Variants in CEACAM8 observed in about 807,000 individuals in gnomAD.
CEACAM8 encodes cell adhesion molecule CEACAM8.
In CEACAM8, 31 loss-of-function variants were observed where a neutral mutation model predicts 33.4. The observed-to-expected ratio is 0.93, with a 90% CI of 0.70 to 1.25. The LOEUF is 1.25. CEACAM8 is among the 50% of genes most tolerant of loss of function. The pLI, the probability that CEACAM8 is intolerant of heterozygous loss-of-function variation, is 0.00. For missense variants in CEACAM8, 388 were observed against 434.6 expected (o/e 0.89, Z 0.95); for synonymous variants, 138 against 164.5 (o/e 0.84, Z 1.23).
intron 1 of CEACAM8, among the ~76,000 whole-genome samples, chr19:42,594,322 C>G (rs1260154046): frequency 6.6e-6 from 1 of 152,054 alleles, no homozygotes; most frequent in Non-Finnish European, 1.5e-5. Context: ...AGGGCAGGGA[C>G]TTGTGTGGTG....
At chr19:42,590,509 T>C (rs1052893479) in intron 2 of CEACAM8, among the ~76,000 whole-genome samples, 3 of 152,096 alleles carry the variant, frequency 2.0e-5, no homozygotes, top group Non-Finnish European at 4.4e-5. Context: ...CATAAATACA[T>C]GTGGACATTT....
intron 3 of CEACAM8, 106 bp downstream of exon 3, chr19:42,589,351 G>T: frequency 6.5e-7 from 1 of 1,541,542 alleles, no homozygotes; most frequent in Non-Finnish European, 8.9e-7. Flanking sequence ...CTAGGGGTGG[G>T]TGGGGAATCT....
rs1415597130 is a variant in CEACAM8, at chr19:42,581,325, A to G, written c.*69T>C. 1 of 152,190 alleles carries G rather than the reference A, an allele frequency of 6.6e-6. No homozygotes were observed. Among genetic ancestry groups the G allele is most frequent in the African/African-American group, 2.4e-5 (1 of 41,448 alleles). The allele number at this position is 152,190 out of a possible 1,614,324, so 9.4% of individuals were successfully genotyped here. On this transcript the variant is annotated 3_prime_UTR_variant, in exon 6 of 6. Coordinates refer to ENST00000244336, the MANE Select transcript of CEACAM8 (RefSeq NM_001816.4). ...AATTTTGAATGGTAGCTGATTGCAA[A>G]TGCTTTGAGGAAGAATAAAAACAAC...
At chr19:42,587,991 C>G (rs555156780) in intron 4 of CEACAM8, among the ~76,000 whole-genome samples, 7 of 152,350 alleles carry the variant, frequency 4.6e-5, no homozygotes, top group Non-Finnish European at 1.0e-4. Flanking sequence ...GGCACTACCC[C>G]TTCCCTCTCA....
At chr19:42,587,076 C>A (rs990909469) in intron 4 of CEACAM8, among the ~76,000 whole-genome samples, 11 of 151,802 alleles carry the variant, frequency 7.2e-5, no homozygotes, top group Non-Finnish European at 1.6e-4. Flanking sequence ...TAAAAAAAAA[C>A]CACACACACA....
rs11669987 is a variant in CEACAM8 at position 42,594,706 on chromosome 19, A to T, written c.64+59T>A. 3,321 of 1,402,464 alleles carry T rather than the reference A, an allele frequency of 2.4e-3. 16 individuals carry two copies. The highest frequency in any genetic ancestry group is 0.018 in the Middle Eastern group (98 of 5,524). The allele number at this position is 1,402,464 out of a possible 1,614,324, so 86.9% of individuals were successfully genotyped here. A position where few individuals can be genotyped will look rare whatever the true frequency, so the allele number is the denominator to read the frequency against. On this transcript the variant is annotated intron_variant, in intron 1 of 5. Transcript: ENST00000244336. ...CTCAGAGCCCCGTCCTCCCCAGGAG[A>T]CCCCAGCCAGTCACTGTGTTTCCTC... is the stretch of plus-strand genomic sequence containing the variant.
chr19:42,589,094 TG>T, intron 3 of CEACAM8, 56 bp from the exon 4 acceptor site: 2 of 1,562,826 alleles, frequency 1.3e-6, no homozygotes, highest in Non-Finnish European at 1.7e-6. Flanking sequence ...GGGAAGCTCC[TG>T]GTCTGTGGAA....
intron 2 of CEACAM8, among the ~76,000 whole-genome samples, chr19:42,590,150 T>C (rs45572532): frequency 2.8e-3 from 434 of 152,298 alleles, no homozygotes; most frequent in Non-Finnish European, 5.3e-3. Context: ...GAGGGTTCTG[T>C]TTCCAAGAAC....
rs1450335291 is a variant in CEACAM8, at chr19:42,588,966, C to G, written c.776G>C (p.Cys259Ser). The G allele has an allele frequency of 6.2e-7, 1 of 1,614,008 alleles. No homozygotes were observed. The highest frequency in any genetic ancestry group is 1.3e-5 in the African/African-American group (1 of 74,892). ...YHAGVNLNLSCHAASNPPSQY... is the reference protein window; with the variant it reads ...YHAGVNLNLSSHAASNPPSQY... ...TGAGGGTGGATTAGAGGCCGCATGG[C>G]AGGAGAGGTTGAGATTTACCCCTGC... The change falls in exon 4 of 6, where the codon TGC (cysteine) becomes TCC (serine). Residue 259 changes from cysteine (C) to serine (S), a missense_variant. By Grantham distance (112) the Cys-to-Ser change is moderately radical. Coordinates refer to ENST00000244336, the MANE Select transcript of CEACAM8 (RefSeq NM_001816.4).
intron 4 of CEACAM8, among the ~76,000 whole-genome samples, chr19:42,586,350 C>T (rs2042337033): frequency 6.6e-6 from 1 of 152,030 alleles, no homozygotes; most frequent in African/African-American, 2.4e-5. Context: ...ACTACAAAGC[C>T]ACAGTAATCA....
At position 42,593,875 on chromosome 19, in the gene CEACAM8, C is replaced by G. The variant is rs369527473; in HGVS notation, c.90G>C (p.Pro30=). 7 of 1,595,838 alleles carry G rather than the reference C, an allele frequency of 4.4e-6. No homozygotes were observed. Among genetic ancestry groups the G allele is most frequent in the African/African-American group, 1.3e-5 (1 of 74,388 alleles). ...CAATAGTGAGCTGAGCAGTGGTGGG[C>G]GGGTTCCAGAAGGTGAAAAGTGAGG... The part of the protein sequence containing the change: ...LTASLFTFWN[P]PTTAQLTIEA... The change falls in exon 2 of 6, where the codon CCG becomes CCC. Residue 30 remains proline (P), a synonymous_variant. Coordinates refer to ENST00000244336, the MANE Select transcript of CEACAM8 (RefSeq NM_001816.4).
chr19:42,581,174 A>G lies in CEACAM8; in HGVS notation c.*220T>C, dbSNP rs1416353687. On this transcript the variant is annotated 3_prime_UTR_variant, in exon 6 of 6. Transcript: ENST00000244336. ...TTTTCCTTCTGTGTTTTGGTGGGCAACTTCACAAAGGTATCAGCCTGTTTG... is the reference window on the plus strand; with the variant it reads ...TTTTCCTTCTGTGTTTTGGTGGGCAGCTTCACAAAGGTATCAGCCTGTTTG... 2.0e-5 allele frequency: 3 copies of G among 152,114 alleles called. No homozygotes were observed. The highest frequency in any genetic ancestry group is 7.2e-5 in the African/African-American group (3 of 41,426). 9.4% of individuals were successfully genotyped at this position (152,114 alleles called of 1,614,324 possible).
In CEACAM8 at chr19:42,589,566, C is replaced by T. The variant is rs10413332; in HGVS notation, c.594G>A (p.Arg198=). ...SPRLQLSNGN[R]TLTLLSVTRN... ...TTGTGACACTGAGTAGAGTGAGGGT[C>T]CTGTTGCCATTGGACAGCTGCAGCC... is the stretch of plus-strand genomic sequence containing the variant. Residue 198 remains arginine, a synonymous_variant, in exon 3 of 6, where the codon AGG becomes AGA. Coordinates refer to ENST00000244336, the MANE Select transcript of CEACAM8 (RefSeq NM_001816.4). 18,610 of 1,614,110 alleles carry T rather than the reference C, an allele frequency of 0.012. 1,619 individuals are homozygous for T. The African/African-American group carries it at 0.2, about 18-fold the overall frequency.
intron 5 of CEACAM8, 25 bp downstream of exon 5, chr19:42,583,181 A>G: frequency 9.6e-7 from 1 of 1,040,140 alleles, no homozygotes; most frequent in Non-Finnish European, 1.5e-6. Flanking sequence ...TGCAGGAAAC[A>G]GGACAAGAGG....
At chr19:42,592,020 G>A (rs2042449762) in intron 2 of CEACAM8, among the ~76,000 whole-genome samples, 1 of 152,212 alleles carries the variant, frequency 6.6e-6, no homozygotes, top group Non-Finnish European at 1.5e-5. Flanking sequence ...CCTCGCACTG[G>A]CTCTGACAGT....
At chr19:42,583,973 C>T (rs35647840) in intron 4 of CEACAM8, among the ~76,000 whole-genome samples, 21,887 of 152,228 alleles carry the variant, frequency 0.14, 2,032 homozygotes, top group South Asian at 0.22. Context: ...CTCTCCCAGG[C>T]TCCTCTCACA....
chr19:42,589,157 C>A, intron 3 of CEACAM8, 119 bp from the exon 4 acceptor site: 1 of 1,239,500 alleles, frequency 8.1e-7, no homozygotes, highest in Non-Finnish European at 1.1e-6. Flanking sequence ...AAGTCCCAAC[C>A]AACCCCAACC....
At chr19:42,582,242 G>A (rs1380720668) in intron 5 of CEACAM8, among the ~76,000 whole-genome samples, 1 of 151,658 alleles carries the variant, frequency 6.6e-6, no homozygotes, top group Non-Finnish European at 1.5e-5. Context: ...TGGGGCTTGA[G>A]CATCATTTAA....
chr19:42,587,703 G>T (rs556060427), intron 4 of CEACAM8, among the ~76,000 whole-genome samples: 2 of 152,216 alleles, frequency 1.3e-5, no homozygotes, highest in South Asian at 4.2e-4. Context: ...TAAATTGCAC[G>T]CATAGAAATA....
Sources: gnomAD v4.1 joint callset for allele counts (sites outside exome capture counted in the v4.1 genomes callset) on GRCh38, gnomAD v4.1.1 for gene constraint, MANE v1.5 for transcripts, NCBI Gene and HGNC (gene_info 2026-07-23, HGNC 2026-07-21) for gene names.